COL4A2: variants seen among roughly 807,000 people sequenced by gnomAD.
COL4A2 encodes collagen type IV alpha 2 chain, also known as collagen alpha-2(IV) chain.
Under a neutral mutation model 200.2 loss-of-function variants are expected in COL4A2, and 99 were observed. That is an observed-to-expected ratio of 0.49 (90% confidence interval 0.42 to 0.58). The LOEUF (loss-of-function observed/expected upper bound fraction) is 0.58. Among genes scored for constraint, COL4A2 ranks in the 20% least tolerant of loss-of-function variants. The probability of loss-of-function intolerance (pLI) is 0.00; values close to 1 mark genes in which losing one functional copy is unlikely to be tolerated. For synonymous variants in COL4A2, 897 were observed against 900.6 expected (o/e 1.00, Z 0.07); for missense variants, 1,950 against 2,314.1 (o/e 0.84, Z 3.23).
intron 4 of COL4A2, among the ~76,000 whole-genome samples, chr13:110,380,113 G>A (rs956457859): frequency 1.3e-5 from 2 of 152,212 alleles, no homozygotes; most frequent in Non-Finnish European, 2.9e-5. Flanking sequence ...TCTGTGGATT[G>A]CAGATGAAAA....
intron 4 of COL4A2, among the ~76,000 whole-genome samples, chr13:110,403,872 C>T (rs764075574): frequency 7.2e-5 from 11 of 152,302 alleles, no homozygotes; most frequent in Non-Finnish European, 1.0e-4. Flanking sequence ...AATGTTATTG[C>T]TCATAGTTCT....
chr13:110,308,744 C>G (rs1884885135), intron 3 of COL4A2, among the ~76,000 whole-genome samples: 1 of 152,152 alleles, frequency 6.6e-6, no homozygotes. Context: ...CCCTCCACGC[C>G]GGCCGTGCAC....
chr13:110,397,599 C>T (rs1879225019), intron 4 of COL4A2, among the ~76,000 whole-genome samples: 1 of 152,200 alleles, frequency 6.6e-6, no homozygotes, highest in African/African-American at 2.4e-5. Flanking sequence ...GCCAGAAGTA[C>T]TGGCTCTGAA....
intron 3 of COL4A2, among the ~76,000 whole-genome samples, chr13:110,311,115 G>C (rs1884969406): frequency 6.6e-6 from 1 of 152,098 alleles, no homozygotes; most frequent in Non-Finnish European, 1.5e-5. Flanking sequence ...TGATTCCTAG[G>C]AAGGAGGCTC....
intron 3 of COL4A2, among the ~76,000 whole-genome samples, chr13:110,322,333 A>G (rs981569237): frequency 6.6e-6 from 1 of 151,950 alleles, no homozygotes; most frequent in Non-Finnish European, 1.5e-5. Context: ...GGCCGCACTG[A>G]GTTGGTTTCC....
intron 30 of COL4A2, among the ~76,000 whole-genome samples, chr13:110,479,246 T>C (rs1325322989): frequency 1.3e-5 from 2 of 151,344 alleles, no homozygotes; most frequent in African/African-American, 2.4e-5. Context: ...GCCTACACTT[T>C]AGGTGGGGAG....
chr13:110,308,119 T>A lies in COL4A2; in HGVS notation c.95T>A (p.Leu32Ter), dbSNP rs1170159832. 1.2e-6 allele frequency: 2 copies of A among 1,613,726 alleles called. No individual in the cohort carries two copies. The highest frequency in any genetic ancestry group is 1.7e-6 in the Non-Finnish European group (2 of 1,180,010). ...GTGGGGTTCCTCGCCCAGAGCGTCTTGGCGGTAAGTCCTGGCTCCCGCGCT... is the reference window on the plus strand; with the variant it reads ...GTGGGGTTCCTCGCCCAGAGCGTCTAGGCGGTAAGTCCTGGCTCCCGCGCT... Reference protein sequence around the residue: ...VTVGFLAQSVLAGVKKFDVPC... With the variant: ...VTVGFLAQSV The change falls in exon 3 of 48, where the codon TTG becomes TAG. Residue 32 changes from leucine (L) to a stop codon, truncating the protein, a stop_gained. Coordinates refer to ENST00000360467, the MANE Select transcript of COL4A2 (RefSeq NM_001846.4). LOFTEE classifies it high-confidence loss of function.
chr13:110,468,951 C>A (rs909756185), intron 27 of COL4A2, among the ~76,000 whole-genome samples: 1 of 152,242 alleles, frequency 6.6e-6, no homozygotes, highest in African/African-American at 2.4e-5. Flanking sequence ...AGCCAAGCAT[C>A]TGACCCCACC....
chr13:110,355,840 T>G (rs77173843), intron 3 of COL4A2, among the ~76,000 whole-genome samples: 106 of 3,414 alleles, frequency 0.031, 10 homozygotes, highest in Non-Finnish European at 0.046. Context: ...CACCTGTGTG[T>G]GGGGGGGAGG....
intron 34 of COL4A2, among the ~76,000 whole-genome samples, chr13:110,487,826 G>C (rs1883162114): frequency 6.6e-6 from 1 of 152,226 alleles, no homozygotes; most frequent in Non-Finnish European, 1.5e-5. Context: ...GGTTGTCATA[G>C]AGTGCTGACA....
At chr13:110,387,315 CA>C (rs1878794923) in intron 4 of COL4A2, among the ~76,000 whole-genome samples, 1 of 152,232 alleles carries the variant, frequency 6.6e-6, no homozygotes, top group Non-Finnish European at 1.5e-5. Flanking sequence ...TCACTATTTC[CA>C]AAGGCTGGAA....
At chr13:110,367,985 CTG>C (rs974148319) in intron 4 of COL4A2, among the ~76,000 whole-genome samples, 3 of 152,198 alleles carry the variant, frequency 2.0e-5, no homozygotes, top group African/African-American at 7.2e-5. Flanking sequence ...AAGCAAAACT[CTG>C]AAACAGGAAG....
intron 37 of COL4A2, 27 bp from the exon 38 acceptor site, chr13:110,492,043 C>G (rs1883301834): frequency 1.9e-6 from 3 of 1,541,930 alleles, no homozygotes; most frequent in Non-Finnish European, 2.6e-6. Context: ...CCTGTGTGCT[C>G]AGACTTAATG....
chr13:110,485,855 C>T lies in COL4A2; in HGVS notation c.3207+19C>T. 6.8e-6 allele frequency: 11 copies of T among 1,612,778 alleles called. No homozygotes were observed. The highest frequency in any genetic ancestry group is 9.3e-6 in the Non-Finnish European group (11 of 1,179,612). On this transcript the variant is annotated intron_variant, in intron 34 of 47. Coordinates refer to ENST00000360467, the MANE Select transcript of COL4A2 (RefSeq NM_001846.4). ...AAGCCGGGTGAGTGGGCGTCTTTTA[C>T]TCCCCTTGTTCTGTGAGCTCCTCTC... is the stretch of plus-strand genomic sequence containing the variant.
At position 110,464,942 on chromosome 13, in the gene COL4A2, T is replaced by C. The variant is rs115761027; in HGVS notation, c.1777-463T>C. ...CAATCCTGTAATCTCTCCTGACTTC[T>C]GAGGCGCACACGGCTCTTTCCTTGT... On this transcript the variant is annotated intron_variant, in intron 24 of 47. Coordinates refer to ENST00000360467, the MANE Select transcript of COL4A2 (RefSeq NM_001846.4). Among the ~76,000 whole-genome samples the C allele has an allele frequency of 2.3e-3, 349 of 152,250 alleles. 3 individuals carry two copies. Among genetic ancestry groups the C allele is most frequent in the African/African-American group, 8.0e-3 (332 of 41,524 alleles).
chr13:110,344,744 G>C (rs1388463845), intron 3 of COL4A2, among the ~76,000 whole-genome samples: 1 of 151,788 alleles, frequency 6.6e-6, no homozygotes, highest in Non-Finnish European at 1.5e-5. Context: ...TGGTCATCCT[G>C]TCCTTGCTCT....
At chr13:110,492,733 C>CA (rs1883324806) in intron 38 of COL4A2, among the ~76,000 whole-genome samples, 1 of 152,216 alleles carries the variant, frequency 6.6e-6, no homozygotes. Flanking sequence ...GGCGAGGCGT[C>CA]AAGAAGAGGC....
chr13:110,501,852 T>C, intron 41 of COL4A2, 68 bp downstream of exon 41: 2 of 1,454,056 alleles, frequency 1.4e-6, no homozygotes, highest in East Asian at 2.3e-5. Flanking sequence ...GCCCGCTTAA[T>C]GTAGGGGGAG....
chr13:110,308,160 G>C (rs750767559), intron 3 of COL4A2, 37 bp downstream of exon 3: 2 of 1,611,910 alleles, frequency 1.2e-6, no homozygotes, highest in Non-Finnish European at 1.7e-6. Flanking sequence ...TTGCGCGCCC[G>C]AGAGTGGTTG....
Sources: allele counts gnomAD v4.1 joint callset (sites outside exome capture counted in the v4.1 genomes callset), GRCh38; gene constraint gnomAD v4.1.1; transcripts MANE v1.5; gene names NCBI Gene and HGNC (gene_info 2026-07-23, HGNC 2026-07-21).